C1QTNF5: variants seen among roughly 807,000 people sequenced by gnomAD.
C1QTNF5 encodes C1q and TNF related 5.
C1QTNF5 carries 5 observed loss-of-function variants against 10.9 expected under a neutral mutation model. The observed-to-expected ratio is 0.46, with a 90% CI of 0.24 to 0.97. The LOEUF is 0.97. Ranked by LOEUF, C1QTNF5 falls within the 50% of genes least tolerant of loss-of-function variation. The probability of loss-of-function intolerance (pLI) is 0.19; values close to 1 mark genes in which losing one functional copy is unlikely to be tolerated. For synonymous variants in C1QTNF5, 161 were observed against 156.5 expected, an observed-to-expected ratio of 1.03 and a Z score of -0.22; for missense variants, 281 against 339.4, an observed-to-expected ratio of 0.83 and a Z score of 1.35.
At chr11:119,346,608 A>G in the C1QTNF5 span, 5 of 1,258,580 alleles carry the variant, frequency 4.0e-6, no homozygotes, top group African/African-American at 7.3e-5. Flanking sequence ...TCAGAGGGGC[A>G]GCCTCTACTA....
the C1QTNF5 span, chr11:119,346,398 G>A: frequency 6.2e-7 from 1 of 1,612,694 alleles, no homozygotes; most frequent in Non-Finnish European, 8.5e-7. Flanking sequence ...ATACTTGAGG[G>A]CTGAGGGCAG....
upstream of C1QTNF5, chr11:119,344,252 T>C: frequency 6.8e-7 from 1 of 1,469,270 alleles, no homozygotes; most frequent in Non-Finnish European, 9.5e-7. Flanking sequence ...CCCATTACAC[T>C]AACTTGGGGA....
rs779390261 is a variant in C1QTNF5 at position 119,339,709 on chromosome 11, C to T, written c.354G>A (p.Pro118=). 50 of 1,604,260 alleles carry T rather than the reference C, an allele frequency of 3.1e-5. 1 individual carries two copies. Among genetic ancestry groups the T allele is most frequent in the Non-Finnish European group, 3.8e-5 (45 of 1,178,758 alleles). The change falls in exon 3 of 3, where the codon CCG becomes CCA. Residue 118 remains proline, a synonymous_variant. Coordinates refer to ENST00000528368, the MANE Select transcript of C1QTNF5 (RefSeq NM_001278431.2). The surrounding 1 kb of genome is among the most constrained non-coding windows in gnomAD (Gnocchi z 5.4). ...GGTCGAAGGGCAAGGGTGCGTCAGA[C>T]GGCGGAGGCACCCGGCTCTCGGAGC... ...AKRSESRVPP[P]SDAPLPFDRV...
chr11:119,344,992 C>G (rs753521106), upstream of C1QTNF5: 5 of 1,605,516 alleles, frequency 3.1e-6, no homozygotes, highest in South Asian at 5.6e-5. Flanking sequence ...GGGGAGGCAC[C>G]CTTCCACAAA....
upstream of C1QTNF5, chr11:119,343,826 G>A (rs201874769): frequency 1.4e-5 from 22 of 1,613,848 alleles, no homozygotes; most frequent in East Asian, 4.0e-4. Flanking sequence ...CTGCCCAGGA[G>A]GCTGAAGGCC....
At chr11:119,345,846 G>A (rs754723666), upstream of C1QTNF5, 2 of 1,613,832 alleles carry the variant, frequency 1.2e-6, no homozygotes, top group African/African-American at 2.7e-5. Flanking sequence ...AGGTGGTGAT[G>A]GTGGGGGTGG....
chr11:119,342,582 G>A, upstream of C1QTNF5: 2 of 1,612,774 alleles, frequency 1.2e-6, no homozygotes, highest in South Asian at 1.1e-5. Flanking sequence ...GGTCCCCAGG[G>A]GCAGGCTTCT....
chr11:119,346,192 C>A, the C1QTNF5 span: 1 of 1,569,246 alleles, frequency 6.4e-7, no homozygotes, highest in Non-Finnish European at 8.7e-7. Context: ...TTGAAAGCCC[C>A]TTCTGTTGGG....
chr11:119,339,175 T>G lies in C1QTNF5; in HGVS notation c.*156A>C. 2 of 811,330 alleles carry G rather than the reference T, an allele frequency of 2.5e-6. No individual in the cohort carries two copies. Among genetic ancestry groups the G allele is most frequent in the Non-Finnish European group, 3.8e-6 (2 of 525,404 alleles). The allele number at this position is 811,330 out of a possible 1,614,324, so 50.3% of individuals were successfully genotyped here. A position where few individuals can be genotyped will look rare whatever the true frequency, so the allele number is the denominator to read the frequency against. ...AGACCTGATCGCAGACAGCCACTGT[T>G]CCCATTCCTTGCCAGCAGCAGGACG... On this transcript the variant is annotated 3_prime_UTR_variant, in exon 3 of 3. Coordinates refer to ENST00000528368, the MANE Select transcript of C1QTNF5 (RefSeq NM_001278431.2). The surrounding 1 kb of genome is among the most constrained non-coding windows in gnomAD (Gnocchi z 5.4).
At chr11:119,343,037 C>G, upstream of C1QTNF5, 1 of 1,572,444 alleles carries the variant, frequency 6.4e-7, no homozygotes, top group Non-Finnish European at 8.6e-7. Context: ...TGGGCACCAG[C>G]CCTGGCTGAC....
upstream of C1QTNF5, chr11:119,344,422 G>A (rs1388034305): frequency 6.2e-7 from 1 of 1,603,422 alleles, no homozygotes; most frequent in African/African-American, 1.3e-5. Context: ...TCATGAGTTT[G>A]CTAGGATCTG....
At chr11:119,343,747 C>T (rs556112801), upstream of C1QTNF5, 499 of 1,592,056 alleles carry the variant, frequency 3.1e-4, 6 homozygotes, top group South Asian at 2.8e-3. Flanking sequence ...TGTGCTGGGC[C>T]GACATGGAAG....
upstream of C1QTNF5, chr11:119,341,416 T>A: frequency 1.3e-6 from 1 of 745,792 alleles, no homozygotes. Flanking sequence ...AGGACTTCTC[T>A]TCCCCCTCCC....
chr11:119,340,533 T>A (rs1950492421), intron 1 of C1QTNF5, 93 bp from the exon 2 acceptor site: 2 of 933,632 alleles, frequency 2.1e-6, no homozygotes, highest in Admixed American at 4.4e-5. Context: ...CCCACCCCAC[T>A]GCCGTGCCCC....
At chr11:119,341,641 G>T (rs772859907), upstream of C1QTNF5, 1 of 1,612,986 alleles carries the variant, frequency 6.2e-7, no homozygotes, top group Non-Finnish European at 8.5e-7. Context: ...GGCCAGACTG[G>T]CACTGGTGCT....
upstream of C1QTNF5, chr11:119,342,953 A>T: frequency 6.2e-7 from 1 of 1,612,148 alleles, no homozygotes; most frequent in Non-Finnish European, 8.5e-7. Context: ...CAGCACAGCC[A>T]GCTCATGGTG....
rs759811129 is a variant in C1QTNF5, at chr11:119,339,615, C to A, written c.448G>T (p.Val150Phe). The A allele has an allele frequency of 6.2e-7, 1 of 1,613,132 alleles. No individual in the cohort carries two copies. Among genetic ancestry groups the A allele is most frequent in the Non-Finnish European group, 8.5e-7 (1 of 1,180,036 alleles). The change falls in exon 3 of 3, where the codon GTC (valine) becomes TTC (phenylalanine). Residue 150 changes from valine (V) to phenylalanine (F), a missense_variant. By Grantham distance (50) the Val-to-Phe change is conservative. Coordinates refer to ENST00000528368, the MANE Select transcript of C1QTNF5 (RefSeq NM_001278431.2). This position sits in a 1 kb window ranked among gnomAD's most constrained non-coding sequence, Gnocchi z 5.4. Reference protein sequence around the residue: ...TGKFTCQVPGVYYFAVHATVY... With the variant: ...TGKFTCQVPGFYYFAVHATVY... ...GTGGCATGGACGGCGAAGTAGTAGA[C>A]CCCAGGCACCTGGCAGGTGAACTTG... is the stretch of plus-strand genomic sequence containing the variant.
chr11:119,344,612 C>G, upstream of C1QTNF5: 2 of 1,613,908 alleles, frequency 1.2e-6, no homozygotes, highest in Non-Finnish European at 1.7e-6. Flanking sequence ...GAAGAGAGGA[C>G]CCCCATGCCT....
At chr11:119,342,028 G>A (rs919400713), upstream of C1QTNF5, 4 of 1,610,680 alleles carry the variant, frequency 2.5e-6, no homozygotes, top group Admixed American at 3.3e-5. Flanking sequence ...CTGCTCACTG[G>A]CTCTGTGGCC....
Sources: allele counts gnomAD v4.1 joint callset, GRCh38; gene constraint gnomAD v4.1.1; non-coding constraint Gnocchi (gnomAD v3.1); transcripts MANE v1.5; gene names NCBI Gene and HGNC (gene_info 2026-07-23, HGNC 2026-07-21).